Variants in NPC2 observed in about 807,000 individuals in gnomAD.
NPC2 encodes the protein Niemann-Pick disease type C2 protein.
In NPC2, 14 loss-of-function variants were observed where a neutral mutation model predicts 17.0. That is an observed-to-expected ratio of 0.82 (90% confidence interval 0.54 to 1.29). NPC2 has a LOEUF of 1.29. Ranked by LOEUF, NPC2 falls within the 50% of genes most tolerant of loss-of-function variation. NPC2 has a pLI of 0.00. For missense variants in NPC2, 167 were observed against 183.4 expected (o/e 0.91, Z 0.52); for synonymous variants, 75 against 69.3 (o/e 1.08, Z -0.41).
At chr14:74,482,705 G>A (rs1217675877) in intron 3 of NPC2, among the ~76,000 whole-genome samples, 2 of 152,166 alleles carry the variant, frequency 1.3e-5, no homozygotes, top group Non-Finnish European at 2.9e-5. Context: ...GGGCTCCACT[G>A]CTTCTTAGTG....
intron 1 of NPC2, among the ~76,000 whole-genome samples, chr14:74,491,541 T>C (rs1481189697): frequency 1.3e-5 from 2 of 152,226 alleles, no homozygotes; most frequent in East Asian, 1.9e-4. Context: ...TAATCAATCC[T>C]GTCCCCTAAT....
Position 74,493,226 on chromosome 14 carries a change from C to G in NPC2, c.49G>C (p.Ala17Pro). 1 of 1,612,910 alleles carries G rather than the reference C, an allele frequency of 6.2e-7. No homozygotes were observed. The highest frequency in any genetic ancestry group is 8.5e-7 in the Non-Finnish European group (1 of 1,179,642). ...TTGAACTGCACCGGTTCGGCCTGGG[C>G]AGCGGTGCTGAGCGCCAGGAGCAGG... ...TFLLLALSTA[A>P]QAEPVQFKDC... is the part of the protein sequence containing the mutation. Residue 17 changes from alanine (A) to proline (P), a missense_variant, in exon 1 of 5, where the codon GCC becomes CCC. Transcript: ENST00000555619. The surrounding 1 kb of genome is among the most constrained non-coding windows in gnomAD (Gnocchi z 4.1).
At chr14:74,493,444 C>T, upstream of NPC2, 1 of 1,462,854 alleles carries the variant, frequency 6.8e-7, no homozygotes, top group East Asian at 2.5e-5. The surrounding 1 kb of genome is among the most constrained non-coding windows in gnomAD (Gnocchi z 4.1). Flanking sequence ...CCAGCTCCAG[C>T]CCTCTCAGGC....
intron 1 of NPC2, among the ~76,000 whole-genome samples, chr14:74,487,274 G>GTTT (rs59427038): frequency 2.3e-5 from 3 of 132,060 alleles, no homozygotes; most frequent in South Asian, 2.4e-4. Flanking sequence ...GTTTTTTTTT[G>GTTT]TTTTTTTTTT....
At chr14:74,490,043 C>T (rs1411868268) in intron 1 of NPC2, among the ~76,000 whole-genome samples, 1 of 152,176 alleles carries the variant, frequency 6.6e-6, no homozygotes. Context: ...AAAACTGGAC[C>T]TCTCACCTCA....
At chr14:74,488,210 C>T (rs191110009) in intron 1 of NPC2, among the ~76,000 whole-genome samples, 1 of 152,322 alleles carries the variant, frequency 6.6e-6, no homozygotes, top group Non-Finnish European at 1.5e-5. Flanking sequence ...ACCCCTATAT[C>T]CTCTGTGATT....
At chr14:74,490,724 T>C (rs1566604832) in intron 1 of NPC2, among the ~76,000 whole-genome samples, 1 of 152,224 alleles carries the variant, frequency 6.6e-6, no homozygotes, top group African/African-American at 2.4e-5. Flanking sequence ...ACTTTCTCAC[T>C]TGAGGAAATC....
intron 1 of NPC2, among the ~76,000 whole-genome samples, chr14:74,492,745 G>A (rs1210935286): frequency 6.6e-6 from 1 of 152,142 alleles, no homozygotes; most frequent in Non-Finnish European, 1.5e-5. Flanking sequence ...AACAATAAAT[G>A]ATGAAAAAGG....
intron 3 of NPC2, chr14:74,483,324 G>A: frequency 7.8e-7 from 1 of 1,280,672 alleles, no homozygotes; most frequent in East Asian, 2.3e-5. Flanking sequence ...GAAGATGAGT[G>A]AGTAGTTGGC....
chr14:74,483,675 T>C (rs1437663248), intron 3 of NPC2, among the ~76,000 whole-genome samples: 1 of 152,150 alleles, frequency 6.6e-6, no homozygotes, highest in Non-Finnish European at 1.5e-5. Flanking sequence ...ATAAGTTCCC[T>C]GGAGAAAAAA....
In NPC2 at chr14:74,493,226, CAGCGGTGCTG is replaced by C; in HGVS notation, c.39_48del (p.Ser14ProfsTer18). 6.2e-7 allele frequency: 1 copy of C among 1,612,910 alleles called. No homozygotes were observed. ...TTGAACTGCACCGGTTCGGCCTGGG[CAGCGGTGCTG>C]AGCGCCAGGAGCAGGAATGTAGCTG... On this transcript the variant is annotated frameshift_variant, in exon 1 of 5. Coordinates refer to ENST00000555619, the MANE Select transcript of NPC2 (RefSeq NM_006432.5). LOFTEE classifies it high-confidence loss of function. The surrounding 1 kb of genome is among the most constrained non-coding windows in gnomAD (Gnocchi z 4.1).
In NPC2 at chr14:74,487,484, C is replaced by T. The variant is rs144571692; in HGVS notation, c.83-1048G>A. ...GTTTCACCATGTTGCCCAGGCTGGT[C>T]TCAAACTCCTAGGCTCAAGCAATTT... is the stretch of plus-strand genomic sequence containing the variant. On this transcript the variant is annotated intron_variant, in intron 1 of 4. Coordinates refer to ENST00000555619, the MANE Select transcript of NPC2 (RefSeq NM_006432.5). 3.0e-3 allele frequency among the ~76,000 whole-genome samples: 454 copies of T among 152,146 alleles called. 1 individual carries two copies. Among genetic ancestry groups the T allele is most frequent in the African/African-American group, 0.01 (425 of 41,488 alleles).
At chr14:74,484,644 A>T in intron 2 of NPC2, 57 bp from the exon 3 acceptor site, 2 of 1,594,568 alleles carry the variant, frequency 1.3e-6, no homozygotes, top group Non-Finnish European at 8.6e-7. Flanking sequence ...TCAAACTCTA[A>T]ATCAAAAATT....
intron 2 of NPC2, among the ~76,000 whole-genome samples, chr14:74,485,149 G>T (rs1450502179): frequency 6.6e-6 from 1 of 151,888 alleles, no homozygotes; most frequent in African/African-American, 2.4e-5. Flanking sequence ...ACAAAAATTA[G>T]CCGGGCGTGG....
At position 74,484,444 on chromosome 14, in the gene NPC2, T is replaced by G; in HGVS notation, c.334A>C (p.Lys112Gln). ...GGATATTCGCTTTTCACTGGTAGTT[T>G]ATTCAGGTAGCTATAGGTCTTGTCT... The part of the protein sequence containing the change: ...QKDKTYSYLN[K>Q]LPVKSEYPSI... The change falls in exon 3 of 5, where the codon AAA becomes CAA. Residue 112 changes from lysine (K) to glutamine (Q), a missense_variant. Physicochemically the swap from Lys to Gln is moderately conservative, Grantham distance 53 (BLOSUM62 1). Transcript: ENST00000555619. 2 of 1,614,182 alleles carry G rather than the reference T, an allele frequency of 1.2e-6. No homozygotes were observed. Among genetic ancestry groups the G allele is most frequent in the Non-Finnish European group, 1.7e-6 (2 of 1,180,032 alleles).
chr14:74,488,512 G>A (rs951125427), intron 1 of NPC2, among the ~76,000 whole-genome samples: 4 of 152,164 alleles, frequency 2.6e-5, no homozygotes, highest in African/African-American at 7.2e-5. Context: ...TTAAGAGTTC[G>A]AGACCAGCCT....
chr14:74,489,544 G>A (rs1345872572), intron 1 of NPC2, among the ~76,000 whole-genome samples: 1 of 152,190 alleles, frequency 6.6e-6, no homozygotes, highest in Non-Finnish European at 1.5e-5. Flanking sequence ...ATAAGTGTGT[G>A]TGTGTGTGTC....
chr14:74,488,330 C>T (rs1025419409), intron 1 of NPC2, among the ~76,000 whole-genome samples: 3 of 152,168 alleles, frequency 2.0e-5, no homozygotes, highest in Non-Finnish European at 4.4e-5. Context: ...TCTTTCACCC[C>T]AACTTGACTT....
chr14:74,489,495 A>G (rs1467672631), intron 1 of NPC2, among the ~76,000 whole-genome samples: 2 of 152,116 alleles, frequency 1.3e-5, no homozygotes, highest in Admixed American at 1.3e-4. Context: ...TCTGCAATCT[A>G]CAGATGTATA....
Sources: allele counts gnomAD v4.1 joint callset (sites outside exome capture counted in the v4.1 genomes callset), GRCh38; gene constraint gnomAD v4.1.1; non-coding constraint Gnocchi (gnomAD v3.1); transcripts MANE v1.5; gene names NCBI Gene and HGNC (gene_info 2026-07-23, HGNC 2026-07-21).